The following SPEN variants were observed in gnomAD, a reference collection of about 807,000 sequenced individuals.
The protein encoded by SPEN is msx2-interacting protein.
A neutral mutation model predicts 269.9 loss-of-function variants in SPEN; 18 were observed. That is an observed-to-expected ratio of 0.07 (90% CI 0.05 to 0.10). The LOEUF (loss-of-function observed/expected upper bound fraction) is 0.10, where lower values mean the gene tolerates loss of function less well. Among genes scored for constraint, SPEN ranks in the 10% least tolerant of loss-of-function variants. The pLI is 1.00. For synonymous variants in SPEN, 1,726 were observed against 1,765.7 expected (o/e 0.98, Z 0.56); for missense variants, 3,822 against 4,631.2 (o/e 0.83, Z 5.07).
intron 3 of SPEN, among the ~76,000 whole-genome samples, chr1:15,900,006 T>G (rs1422606645): frequency 6.6e-6 from 1 of 151,932 alleles, no homozygotes; most frequent in Admixed American, 6.6e-5. Flanking sequence ...CCACCATGCC[T>G]GGCTAATTTT....
At chr1:15,901,423 G>A (rs568355335) in intron 3 of SPEN, among the ~76,000 whole-genome samples, 4 of 151,958 alleles carry the variant, frequency 2.6e-5, no homozygotes, top group African/African-American at 9.6e-5. Flanking sequence ...GATTGCTTGA[G>A]CTCAGAAGTT....
chr1:15,923,372 C>T (rs915966505), intron 10 of SPEN, among the ~76,000 whole-genome samples: 13 of 152,222 alleles, frequency 8.5e-5, no homozygotes, highest in African/African-American at 3.1e-4. Flanking sequence ...TATTATCAAG[C>T]TGTTTTTCCA....
chr1:15,886,249 G>A (rs1270788600), intron 3 of SPEN, among the ~76,000 whole-genome samples: 1 of 152,180 alleles, frequency 6.6e-6, no homozygotes, highest in African/African-American at 2.4e-5. Context: ...TTTTAGTTAG[G>A]ATGCTCGACT....
chr1:15,936,639 T>C (rs2071277970), intron 11 of SPEN, among the ~76,000 whole-genome samples: 1 of 71,008 alleles, frequency 1.4e-5, no homozygotes. Flanking sequence ...CGAGACCCAG[T>C]CTCAAAAAAA....
At chr1:15,853,266 T>G (rs1256277788) in intron 1 of SPEN, among the ~76,000 whole-genome samples, 1 of 151,988 alleles carries the variant, frequency 6.6e-6, no homozygotes, top group African/African-American at 2.4e-5. Context: ...CCTGGCTCAC[T>G]GCAACCTCCT....
chr1:15,936,177 A>G lies in SPEN; in HGVS notation c.9937A>G (p.Thr3313Ala). The G allele has an allele frequency of 6.2e-7, 1 of 1,603,612 alleles. No homozygotes were observed. Among genetic ancestry groups the G allele is most frequent in the Non-Finnish European group, 8.5e-7 (1 of 1,172,452 alleles). Residue 3313 changes from threonine (T) to alanine (A), a missense_variant, in exon 11 of 15, where the codon ACC becomes GCC. Around this residue, in one of 16 missense-constraint regions of SPEN, gnomAD observed 359 missense variants for 377.3 expected, o/e 0.95. Coordinates refer to ENST00000375759, the MANE Select transcript of SPEN (RefSeq NM_015001.3). The stretch of plus-strand genomic sequence containing the variant: ...AGAGTACCGGTACGGCGACATCCGC[A>G]CCTACCACCCCCCGGCCCAGCTCAC... ...FQEYRYGDIR[T>A]YHPPAQLTHT...
intron 1 of SPEN, among the ~76,000 whole-genome samples, chr1:15,870,809 G>A (rs1164535591): frequency 6.6e-6 from 1 of 152,182 alleles, no homozygotes; most frequent in Non-Finnish European, 1.5e-5. Flanking sequence ...AAAGCTTTGT[G>A]TAATTGATGC....
chr1:15,909,561 T>A lies in SPEN; in HGVS notation c.1042+80T>A, dbSNP rs961207855. On this transcript the variant is annotated intron_variant, in intron 4 of 14. Coordinates refer to ENST00000375759, the MANE Select transcript of SPEN (RefSeq NM_015001.3). ...TGATACTGCATTACATTGAAATAAC[T>A]TTGGGCATAAAATTATAATGGAAAA... 6.6e-6 allele frequency: 9 copies of A among 1,362,164 alleles called. No homozygotes were observed. The African/African-American group carries it at 1.3e-4, about 20-fold the overall frequency. The allele number at this position is 1,362,164 out of a possible 1,614,324, so 84.4% of individuals were successfully genotyped here. A position where few individuals can be genotyped will look rare whatever the true frequency, so the allele number is the denominator to read the frequency against.
At position 15,876,767 on chromosome 1, in the gene SPEN, T is replaced by G. The variant is rs923040274; in HGVS notation, c.881+89T>G. The G allele has an allele frequency of 1.1e-4, 107 of 991,858 alleles. No individual in the cohort carries two copies. In the Admixed American group the frequency reaches 2.3e-3, roughly 21 times the overall value. 61.4% of individuals were successfully genotyped at this position (991,858 alleles called of 1,614,324 possible). A position where few individuals can be genotyped will look rare whatever the true frequency, so the allele number is the denominator to read the frequency against. On this transcript the variant is annotated intron_variant, in intron 3 of 14. Transcript: ENST00000375759. The stretch of plus-strand genomic sequence containing the variant: ...GGGAATGGTTTCAGCATAGTATTAT[T>G]TTTTAAAGTAATCTTGGATCATATA...
At chr1:15,861,126 C>T (rs949264041) in intron 1 of SPEN, among the ~76,000 whole-genome samples, 4 of 149,940 alleles carry the variant, frequency 2.7e-5, no homozygotes, top group Non-Finnish European at 4.4e-5. Context: ...ATTGGTCAGG[C>T]TGAGTGACTT....
rs2148728133 is a variant in SPEN at position 15,909,332 on chromosome 1, G to A, written c.893G>A (p.Ser298Asn). ...SSTSSDSSDS[S>N]SSSSDDSPAR... ...TTGCCTTTTTGCAGCAGTGATTCCA[G>A]CAGTAGTTCAAGTGATGATTCTCCA... The change falls in exon 4 of 15, where the codon AGC becomes AAC. Residue 298 changes from serine (S) to asparagine (N), a missense_variant. Ser to Asn is a conservative substitution (Grantham distance 46). Coordinates refer to ENST00000375759, the MANE Select transcript of SPEN (RefSeq NM_015001.3). 1 of 1,610,626 alleles carries A rather than the reference G, an allele frequency of 6.2e-7. No homozygotes were observed. Among genetic ancestry groups the A allele is most frequent in the Non-Finnish European group, 8.5e-7 (1 of 1,178,918 alleles).
chr1:15,935,587 C>G lies in SPEN; in HGVS notation c.9347C>G (p.Ala3116Gly). The change falls in exon 11 of 15, where the codon GCG (alanine) becomes GGG (glycine). Residue 3116 changes from alanine (A) to glycine (G), a missense_variant. By Grantham distance (60) the Ala-to-Gly change is moderately conservative. Coordinates refer to ENST00000375759, the MANE Select transcript of SPEN (RefSeq NM_015001.3). The surrounding 1 kb of genome is among the most constrained non-coding windows in gnomAD (Gnocchi z 7.7). ...ATCACCTACAGCATCCGGCCAGAAG[C>G]GCTTCACTCTCCTCGGGCTCCGCTG... Reference protein sequence around the residue: ...PSITYSIRPEALHSPRAPLQP... With the variant: ...PSITYSIRPEGLHSPRAPLQP... 6.2e-7 allele frequency: 1 copy of G among 1,614,100 alleles called. No individual in the cohort carries two copies. The highest frequency in any genetic ancestry group is 8.5e-7 in the Non-Finnish European group (1 of 1,179,996).
chr1:15,920,369 C>T (rs1051554624), intron 8 of SPEN, among the ~76,000 whole-genome samples: 1 of 152,190 alleles, frequency 6.6e-6, no homozygotes, highest in African/African-American at 2.4e-5. Context: ...GCAGACAATA[C>T]TTTAAATGTA....
intron 9 of SPEN, among the ~76,000 whole-genome samples, chr1:15,921,528 T>C (rs886352604): frequency 6.6e-6 from 1 of 152,214 alleles, no homozygotes; most frequent in Non-Finnish European, 1.5e-5. Context: ...CAAAGAAGTG[T>C]GCTTCTCAGT....
chr1:15,933,854 C>T lies in SPEN; in HGVS notation c.7614C>T (p.Leu2538=). 1 of 1,613,598 alleles carries T rather than the reference C, an allele frequency of 6.2e-7. No homozygotes were observed. Among genetic ancestry groups the T allele is most frequent in the Non-Finnish European group, 8.5e-7 (1 of 1,180,028 alleles). Residue 2538 remains leucine (L), a synonymous_variant, in exon 11 of 15, where the codon CTC becomes CTT. Coordinates refer to ENST00000375759, the MANE Select transcript of SPEN (RefSeq NM_015001.3). The surrounding 1 kb of genome is among the most constrained non-coding windows in gnomAD (Gnocchi z 5.7). ...GCTCCAGCACCCTGAGGAAGATTCT[C>T]ATGGACCCCAAGTATGTGTCTGCCA... ...DTSSSTLRKI[L]MDPKYVSATS...
Position 15,930,280 on chromosome 1 carries a change from A to T in SPEN, c.4040A>T (p.Asp1347Val), listed in dbSNP as rs751863504. The change falls in exon 11 of 15, where the codon GAT becomes GTT. Residue 1347 changes from aspartate to valine, a missense_variant. Asp to Val is a radical substitution (Grantham distance 152). Transcript: ENST00000375759. This position sits in a 1 kb window ranked among gnomAD's most constrained non-coding sequence, Gnocchi z 5.3. ...CGTTGGGACTCTCAGATGAAACAGGATGCTGGCAGATTTGATGTGAGTTTC... is the reference window on the plus strand; with the variant it reads ...CGTTGGGACTCTCAGATGAAACAGGTTGCTGGCAGATTTGATGTGAGTTTC... Reference protein sequence around the residue: ...LNRWDSQMKQDAGRFDVSFPN... With the variant: ...LNRWDSQMKQVAGRFDVSFPN... 1.2e-6 allele frequency: 2 copies of T among 1,614,064 alleles called. No individual in the cohort carries two copies. Among genetic ancestry groups the T allele is most frequent in the Admixed American group, 1.7e-5 (1 of 60,008 alleles).
chr1:15,865,420 GT>G (rs35623952), intron 1 of SPEN, among the ~76,000 whole-genome samples: 38,989 of 115,834 alleles, frequency 0.34, 5,673 homozygotes, highest in East Asian at 0.63. Flanking sequence ...GTATATGCCT[GT>G]TTTTTTTTTT....
rs773856028 is a variant in SPEN, at chr1:15,929,450, C to T, written c.3210C>T (p.Ala1070=). The T allele has an allele frequency of 7.4e-6, 12 of 1,613,424 alleles. No individual in the cohort carries two copies. The highest frequency in any genetic ancestry group is 2.7e-5 in the African/African-American group (2 of 74,962). ...VASPKDCQEL[A]SISVGSGSRP... ...GCCCCAAAGACTGTCAGGAGCTTGC[C>T]AGTATTTCTGTTGGGTCTGGCTCAA... The change falls in exon 11 of 15, where the codon GCC becomes GCT. Residue 1070 remains alanine (A), a synonymous_variant. Coordinates refer to ENST00000375759, the MANE Select transcript of SPEN (RefSeq NM_015001.3). This position sits in a 1 kb window ranked among gnomAD's most constrained non-coding sequence, Gnocchi z 5.8.
chr1:15,894,756 G>T (rs2070824225), intron 3 of SPEN, among the ~76,000 whole-genome samples: 1 of 151,240 alleles, frequency 6.6e-6, no homozygotes, highest in African/African-American at 2.4e-5. Flanking sequence ...GCCAGGTTGG[G>T]CTCGATCTGA....
Sources: gnomAD v4.1 joint callset for allele counts (sites outside exome capture counted in the v4.1 genomes callset) on GRCh38, gnomAD v4.1.1 for gene constraint, gnomAD v4.1.1 regional missense constraint, Gnocchi (gnomAD v3.1) non-coding constraint, MANE v1.5 for transcripts, NCBI Gene and HGNC (gene_info 2026-07-23, HGNC 2026-07-21) for gene names.